The following PNPLA8 variants were observed in gnomAD, a reference collection of about 807,000 sequenced individuals.
PNPLA8 encodes the protein calcium-independent phospholipase A2-gamma.
PNPLA8 carries 39 observed loss-of-function variants against 76.9 expected under a neutral mutation model. The ratio of observed to expected loss-of-function variants is 0.51; its 90% CI spans 0.39 to 0.66. PNPLA8 has a LOEUF of 0.66. Among genes scored for constraint, PNPLA8 ranks in the 30% least tolerant of loss-of-function variants. The pLI, the probability that PNPLA8 is intolerant of heterozygous loss-of-function variation, is 0.00. For missense variants in PNPLA8, 887 were observed against 918.0 expected, an observed-to-expected ratio of 0.97 and a Z score of 0.44; for synonymous variants, 301 against 307.9, an observed-to-expected ratio of 0.98 and a Z score of 0.24.
intron 7 of PNPLA8, among the ~76,000 whole-genome samples, chr7:108,492,890 T>G (rs900136792): frequency 6.6e-6 from 1 of 152,138 alleles, no homozygotes; most frequent in African/African-American, 2.4e-5. Context: ...CCATGTGACC[T>G]CAACAAACAT....
At chr7:108,493,935 C>A in intron 7 of PNPLA8, among the ~76,000 whole-genome samples, 1 of 151,522 alleles carries the variant, frequency 6.6e-6, no homozygotes. Context: ...AGAATTTGTA[C>A]GAAAATAAAT....
upstream of PNPLA8, chr7:108,526,211 G>T (rs1864072799): frequency 9.9e-6 from 5 of 503,434 alleles, no homozygotes; most frequent in Non-Finnish European, 1.3e-5. Flanking sequence ...CTAGAAGTTT[G>T]GGTCTACCCG....
chr7:108,506,775 C>G (rs1470563647), intron 4 of PNPLA8, among the ~76,000 whole-genome samples: 2 of 151,462 alleles, frequency 1.3e-5, no homozygotes, highest in African/African-American at 4.8e-5. Flanking sequence ...AAAAGAGGCA[C>G]AACTAAATTA....
At chr7:108,477,827 G>A (rs762506971) in intron 10 of PNPLA8, among the ~76,000 whole-genome samples, 4 of 151,952 alleles carry the variant, frequency 2.6e-5, no homozygotes, top group East Asian at 1.9e-4. Context: ...TTGTCACTGC[G>A]TTCCAGCCTG....
chr7:108,508,727 A>G (rs1367986330), intron 4 of PNPLA8, among the ~76,000 whole-genome samples: 2 of 151,898 alleles, frequency 1.3e-5, no homozygotes, highest in Non-Finnish European at 2.9e-5. Context: ...AGTCAATCCT[A>G]AGCCAAAAGA....
upstream of PNPLA8, among the ~76,000 whole-genome samples, chr7:108,526,776 T>C (rs2154517426): frequency 6.6e-6 from 1 of 152,350 alleles, no homozygotes; most frequent in Non-Finnish European, 1.5e-5. Context: ...TTTAAAATTG[T>C]GGCATTTCAT....
chr7:108,505,316 A>T (rs1862269917), intron 4 of PNPLA8, among the ~76,000 whole-genome samples: 1 of 3,524 alleles, frequency 2.8e-4, no homozygotes, highest in Non-Finnish European at 4.8e-4. Flanking sequence ...ATATATATAT[A>T]TATATATATA....
At chr7:108,518,337 A>T (rs1022311781) in intron 2 of PNPLA8, 1 of 152,252 alleles carries the variant, frequency 6.6e-6, no homozygotes, top group Admixed American at 6.5e-5. Context: ...TGTTGCCAAA[A>T]GCAGTGTGTA....
rs1317934244 is a variant in PNPLA8, at chr7:108,514,997, T to C, written c.495A>G (p.Ala165=). The change falls in exon 3 of 11, where the codon GCA becomes GCG. Residue 165 remains alanine (A), a synonymous_variant. Transcript: ENST00000257694. The part of the protein sequence containing the change: ...KSLKKYSDKS[A]EKSPFPEEKS... ...TCTCTTCTGGAAAAGGACTCTTTTC[T>C]GCTGATTTGTCACTATATTTTTTCA... 2 of 1,607,758 alleles carry C rather than the reference T, an allele frequency of 1.2e-6. No homozygotes were observed. The highest frequency in any genetic ancestry group is 1.7e-6 in the Non-Finnish European group (2 of 1,179,370).
intron 8 of PNPLA8, among the ~76,000 whole-genome samples, chr7:108,489,345 G>A (rs754953137): frequency 3.3e-5 from 5 of 152,148 alleles, no homozygotes; most frequent in Middle Eastern, 3.2e-3. Context: ...GGATTCCGAG[G>A]CACTAATCTT....
At chr7:108,509,531 G>C (rs1400735033) in intron 4 of PNPLA8, among the ~76,000 whole-genome samples, 3 of 142,478 alleles carry the variant, frequency 2.1e-5, no homozygotes, top group South Asian at 2.3e-4. Flanking sequence ...GAAACAACAG[G>C]TGCTGGAGAG....
intron 7 of PNPLA8, among the ~76,000 whole-genome samples, chr7:108,493,526 T>C (rs1329956399): frequency 7.3e-6 from 1 of 136,410 alleles, no homozygotes; most frequent in Non-Finnish European, 1.6e-5. Flanking sequence ...TGCCTCAGCC[T>C]CCCCAGTAGC....
chr7:108,526,803 A>G (rs544899501), upstream of PNPLA8, among the ~76,000 whole-genome samples: 2 of 152,378 alleles, frequency 1.3e-5, no homozygotes, highest in East Asian at 1.9e-4. Context: ...CACAGGGGCA[A>G]ACTACAGCCC....
chr7:108,511,039 G>GTAA, intron 4 of PNPLA8: 13 of 331,560 alleles, frequency 3.9e-5, no homozygotes, highest in Admixed American at 8.4e-5. Flanking sequence ...CTCTCAAATT[G>GTAA]GAAAAAAAAA....
At chr7:108,524,778 G>A (rs1863967105) in intron 1 of PNPLA8, among the ~76,000 whole-genome samples, 1 of 152,168 alleles carries the variant, frequency 6.6e-6, no homozygotes, top group African/African-American at 2.4e-5. Flanking sequence ...AGGCACTCCA[G>A]CCTGGGCGAC....
At chr7:108,500,063 TGTC>T (rs1861829639) in intron 5 of PNPLA8, among the ~76,000 whole-genome samples, 1 of 152,264 alleles carries the variant, frequency 6.6e-6, no homozygotes, top group Non-Finnish European at 1.5e-5. Flanking sequence ...TTCTATTTGT[TGTC>T]TTTTCCTTCT....
At chr7:108,508,824 A>T (rs1235777315) in intron 4 of PNPLA8, among the ~76,000 whole-genome samples, 25 of 150,060 alleles carry the variant, frequency 1.7e-4, no homozygotes, top group African/African-American at 5.2e-4. Context: ...GTACCAAAAC[A>T]GAGATATAGA....
chr7:108,516,912 C>CAAACAAAAAAA (rs1363733264), intron 2 of PNPLA8, among the ~76,000 whole-genome samples: 3 of 134,060 alleles, frequency 2.2e-5, no homozygotes, highest in Non-Finnish European at 3.2e-5. Flanking sequence ...AAAAACAAAA[C>CAAACAAAAAAA]AAACAAAAAA....
chr7:108,510,232 C>T (rs527308383), intron 4 of PNPLA8: 1 of 1,338,068 alleles, frequency 7.5e-7, no homozygotes, highest in South Asian at 1.3e-5. Flanking sequence ...CGGCTGGAAC[C>T]ATGGTGGGTG....
Sources: allele counts gnomAD v4.1 joint callset (sites outside exome capture counted in the v4.1 genomes callset), GRCh38; gene constraint gnomAD v4.1.1; transcripts MANE v1.5; gene names NCBI Gene and HGNC (gene_info 2026-07-23, HGNC 2026-07-21).